Variants in AHCYL2 observed in about 807,000 individuals in gnomAD.
The protein encoded by AHCYL2 is adenosylhomocysteinase like 2.
In AHCYL2, 28 loss-of-function variants were observed where a neutral mutation model predicts 81.4. That is an observed-to-expected ratio of 0.34 (90% CI 0.25 to 0.47). AHCYL2 has a LOEUF of 0.47. Ranked by LOEUF, AHCYL2 falls within the 20% of genes least tolerant of loss-of-function variation. The probability of loss-of-function intolerance (pLI) is 1.00; values close to 1 mark genes in which losing one functional copy is unlikely to be tolerated. For missense variants in AHCYL2, 551 were observed against 785.1 expected, an observed-to-expected ratio of 0.70 and a Z score of 3.56; for synonymous variants, 272 against 290.2, an observed-to-expected ratio of 0.94 and a Z score of 0.64.
intron 1 of AHCYL2, among the ~76,000 whole-genome samples, chr7:129,342,456 A>T (rs1414022644): frequency 1.3e-5 from 2 of 152,212 alleles, no homozygotes; most frequent in Admixed American, 6.5e-5. Flanking sequence ...GGAATAAAGA[A>T]GCAAAAGGTA....
chr7:129,336,621 G>C (rs919158738), intron 1 of AHCYL2, among the ~76,000 whole-genome samples: 4 of 152,118 alleles, frequency 2.6e-5, no homozygotes, highest in Admixed American at 6.5e-5. Flanking sequence ...GGTAAGACTG[G>C]AGGCAAAAAG....
intron 1 of AHCYL2, among the ~76,000 whole-genome samples, chr7:129,310,515 AGT>A (rs1405074542): frequency 6.6e-6 from 1 of 152,188 alleles, no homozygotes; most frequent in Non-Finnish European, 1.5e-5. Context: ...AAGCCAGGAG[AGT>A]GTGGTATTCC....
chr7:129,336,166 C>A (rs1471463589), intron 1 of AHCYL2, among the ~76,000 whole-genome samples: 1 of 145,194 alleles, frequency 6.9e-6, no homozygotes, highest in Non-Finnish European at 1.5e-5. Context: ...CTCCCAGGTT[C>A]AAACGATTCT....
At chr7:129,413,016 T>C (rs1169997107) in intron 11 of AHCYL2, among the ~76,000 whole-genome samples, 3 of 151,484 alleles carry the variant, frequency 2.0e-5, no homozygotes, top group African/African-American at 7.3e-5. Context: ...TTTTTGTATT[T>C]TTTTTGTAGA....
chr7:129,290,958 ATAT>A (rs1300759528), intron 1 of AHCYL2, among the ~76,000 whole-genome samples: 1 of 151,866 alleles, frequency 6.6e-6, no homozygotes, highest in African/African-American at 2.4e-5. Context: ...AAAACAGTTA[ATAT>A]TATTTAATTG....
At chr7:129,313,254 T>G (rs10954226) in intron 1 of AHCYL2, among the ~76,000 whole-genome samples, 37,718 of 152,088 alleles carry the variant, frequency 0.25, 4,730 homozygotes, top group South Asian at 0.37. Flanking sequence ...ATGTTGTATT[T>G]TTGTTTTTAG....
intron 1 of AHCYL2, among the ~76,000 whole-genome samples, chr7:129,322,472 AT>A (rs781538147): frequency 9.2e-5 from 14 of 152,230 alleles, no homozygotes; most frequent in Non-Finnish European, 2.1e-4. Context: ...AATATCTTTA[AT>A]AAATATTTCT....
At chr7:129,238,109 G>T (rs1794705019) in intron 1 of AHCYL2, among the ~76,000 whole-genome samples, 1 of 152,160 alleles carries the variant, frequency 6.6e-6, no homozygotes, top group Non-Finnish European at 1.5e-5. Flanking sequence ...GGTAGGTGTG[G>T]TCACCTATCT....
chr7:129,277,678 G>C (rs1055992339), intron 1 of AHCYL2, among the ~76,000 whole-genome samples: 11 of 152,176 alleles, frequency 7.2e-5, no homozygotes, highest in African/African-American at 2.7e-4. Context: ...GTGGAATCAA[G>C]TAGTATGTAC....
chr7:129,321,419 T>G (rs977776157), intron 1 of AHCYL2, among the ~76,000 whole-genome samples: 5 of 152,378 alleles, frequency 3.3e-5, no homozygotes, highest in African/African-American at 1.2e-4. Context: ...TTGAGATGAC[T>G]GTATGGTTTT....
chr7:129,375,556 A>G (rs1247681372), intron 1 of AHCYL2: 1 of 975,130 alleles, frequency 1.0e-6, no homozygotes, highest in Non-Finnish European at 1.3e-6. Context: ...TTGTCAAGGG[A>G]CTTGCAAGGT....
intron 1 of AHCYL2, among the ~76,000 whole-genome samples, chr7:129,332,957 C>T (rs113749620): frequency 2.6e-5 from 4 of 152,254 alleles, no homozygotes; most frequent in Non-Finnish European, 5.9e-5. Flanking sequence ...CTATAGTTGA[C>T]TTAGTCATTC....
Position 129,305,477 on chromosome 7 carries a change from C to CA in AHCYL2, c.364-74152dup, listed in dbSNP as rs1298637887. 3.8e-3 allele frequency among the ~76,000 whole-genome samples: 569 copies of CA among 150,126 alleles called. 1 individual carries two copies. The highest frequency in any genetic ancestry group is 0.012 in the African/African-American group (508 of 40,952). On this transcript the variant is annotated intron_variant, in intron 1 of 16. Transcript: ENST00000325006. ...TCCATCTCAAAAACAAACAAACAAA[C>CA]AAAAAAAAACACTTTATACTTTAAC... is the stretch of plus-strand genomic sequence containing the variant.
chr7:129,343,136 A>C (rs1046898963), intron 1 of AHCYL2, among the ~76,000 whole-genome samples: 6 of 152,146 alleles, frequency 3.9e-5, no homozygotes, highest in African/African-American at 1.4e-4. Flanking sequence ...TTTTTATTTA[A>C]AATTTTTTGT....
intron 1 of AHCYL2, among the ~76,000 whole-genome samples, chr7:129,326,714 A>C (rs1798239366): frequency 6.6e-6 from 1 of 152,056 alleles, no homozygotes; most frequent in African/African-American, 2.4e-5. Flanking sequence ...GAATAGGGGA[A>C]ATAATTACAA....
intron 11 of AHCYL2, among the ~76,000 whole-genome samples, chr7:129,409,935 C>T (rs981848467): frequency 6.7e-6 from 1 of 150,014 alleles, no homozygotes; most frequent in Admixed American, 6.7e-5. Context: ...AGAGACAAAC[C>T]AGAGTTTGGA....
chr7:129,370,509 T>C (rs530412376), intron 1 of AHCYL2, among the ~76,000 whole-genome samples: 30 of 152,176 alleles, frequency 2.0e-4, no homozygotes, highest in African/African-American at 5.5e-4. Flanking sequence ...TCATCCTGGC[T>C]AACACAGTGA....
intron 1 of AHCYL2, among the ~76,000 whole-genome samples, chr7:129,243,773 G>A (rs1794949152): frequency 6.6e-6 from 1 of 151,710 alleles, no homozygotes; most frequent in South Asian, 2.1e-4. Flanking sequence ...GTAGAGATGG[G>A]GTTTCACCGT....
At chr7:129,293,833 G>T (rs1296678295) in intron 1 of AHCYL2, among the ~76,000 whole-genome samples, 5 of 152,172 alleles carry the variant, frequency 3.3e-5, no homozygotes, top group African/African-American at 1.2e-4. Context: ...TTCCAGGAGA[G>T]AGATGGCTTA....
Sources: gnomAD v4.1 joint callset for allele counts (sites outside exome capture counted in the v4.1 genomes callset) on GRCh38, gnomAD v4.1.1 for gene constraint, MANE v1.5 for transcripts, NCBI Gene and HGNC (gene_info 2026-07-23, HGNC 2026-07-21) for gene names.